Variants in PTPRO observed in about 807,000 individuals in gnomAD.
PTPRO encodes the protein receptor-type tyrosine-protein phosphatase O.
PTPRO carries 62 observed loss-of-function variants against 145.2 expected under a neutral mutation model. The observed-to-expected ratio is 0.43, with a 90% confidence interval of 0.35 to 0.53. The LOEUF (loss-of-function observed/expected upper bound fraction) is 0.53, where lower values mean the gene tolerates loss of function less well. Ranked by LOEUF, PTPRO falls within the 20% of genes least tolerant of loss-of-function variation. The pLI is 0.01. For synonymous variants in PTPRO, 565 were observed against 514.7 expected (o/e 1.10, Z -1.32); for missense variants, 1,345 against 1,482.7 (o/e 0.91, Z 1.53).
intron 1 of PTPRO, among the ~76,000 whole-genome samples, chr12:15,429,393 CA>C (rs1234927095): frequency 2.3e-4 from 35 of 152,170 alleles, no homozygotes; most frequent in African/African-American, 8.2e-4. Context: ...TTTGCCAAGC[CA>C]GGGCAGGATG....
intron 1 of PTPRO, among the ~76,000 whole-genome samples, chr12:15,473,630 T>C (rs1355039214): frequency 6.6e-6 from 1 of 151,632 alleles, no homozygotes; most frequent in Admixed American, 6.6e-5. Flanking sequence ...AGCCAGGCGT[T>C]GTGGTGGGCA....
intron 1 of PTPRO, among the ~76,000 whole-genome samples, chr12:15,448,715 G>A (rs1235825882): frequency 1.3e-5 from 2 of 152,086 alleles, no homozygotes; most frequent in African/African-American, 2.4e-5. Context: ...TCCAAGGGAC[G>A]TCAGCTTTCC....
At chr12:15,452,331 G>C (rs1315132826) in intron 1 of PTPRO, among the ~76,000 whole-genome samples, 3 of 152,086 alleles carry the variant, frequency 2.0e-5, no homozygotes, top group Admixed American at 6.6e-5. Context: ...ATAACGAGCA[G>C]TGAGATTGAA....
intron 1 of PTPRO, among the ~76,000 whole-genome samples, chr12:15,389,110 T>A (rs1433542988): frequency 1.3e-5 from 2 of 150,698 alleles, no homozygotes; most frequent in African/African-American, 4.9e-5. Context: ...AAGAATTTTT[T>A]TTTTTTTTTT....
chr12:15,403,918 C>T (rs947912153), intron 1 of PTPRO, among the ~76,000 whole-genome samples: 81 of 152,008 alleles, frequency 5.3e-4, no homozygotes, highest in African/African-American at 1.9e-3. Context: ...GTGTTTAGGG[C>T]CAGGCACTGT....
intron 13 of PTPRO, among the ~76,000 whole-genome samples, chr12:15,547,464 A>C (rs1484286857): frequency 1.3e-5 from 2 of 152,250 alleles, no homozygotes; most frequent in African/African-American, 4.8e-5. Flanking sequence ...TACTGCGAAC[A>C]TAAGTAATTG....
In PTPRO at chr12:15,457,531, T is replaced by G. The variant is rs531750403; in HGVS notation, c.76-26443T>G. On this transcript the variant is annotated intron_variant, in intron 1 of 26. Coordinates refer to ENST00000281171, the MANE Select transcript of PTPRO (RefSeq NM_030667.3). ...GGATTTACTATTGCCTTGTTGTTAA[T>G]TGTTTTCTGTCTGACCTGCAATTCT... 3.3e-5 allele frequency among the ~76,000 whole-genome samples: 5 copies of G among 152,338 alleles called. No individual in the cohort carries two copies. The South Asian group carries it at 8.3e-4, about 25-fold the overall frequency.
intron 1 of PTPRO, among the ~76,000 whole-genome samples, chr12:15,437,701 A>G (rs546412584): frequency 6.6e-6 from 1 of 152,330 alleles, no homozygotes; most frequent in African/African-American, 2.4e-5. Flanking sequence ...ATCTGCAGGC[A>G]TCTGAAGCAC....
At chr12:15,466,161 C>T (rs568365274) in intron 1 of PTPRO, among the ~76,000 whole-genome samples, 4 of 151,954 alleles carry the variant, frequency 2.6e-5, no homozygotes, top group Non-Finnish European at 5.9e-5. Context: ...GTTCATTACT[C>T]TACATAATCC....
intron 1 of PTPRO, among the ~76,000 whole-genome samples, chr12:15,480,893 T>C (rs183727813): frequency 1.8e-4 from 28 of 152,358 alleles, no homozygotes; most frequent in African/African-American, 6.7e-4. Flanking sequence ...AAAATCTCTC[T>C]GCTTTGTTCA....
At chr12:15,427,738 G>C (rs1287063510) in intron 1 of PTPRO, among the ~76,000 whole-genome samples, 1 of 151,650 alleles carries the variant, frequency 6.6e-6, no homozygotes, top group Non-Finnish European at 1.5e-5. Context: ...TTAAAGTTTA[G>C]CTATCATGGT....
chr12:15,538,885 C>T (rs767757421), intron 12 of PTPRO, among the ~76,000 whole-genome samples: 2 of 152,188 alleles, frequency 1.3e-5, no homozygotes, highest in South Asian at 2.1e-4. Context: ...GTAACTCAGA[C>T]CCTCTGAATT....
chr12:15,491,601 T>C (rs1942000480), intron 2 of PTPRO, among the ~76,000 whole-genome samples: 1 of 152,202 alleles, frequency 6.6e-6, no homozygotes, highest in African/African-American at 2.4e-5. Flanking sequence ...CTAAATGTCA[T>C]TTTTTATTAA....
Position 15,515,533 on chromosome 12 carries a change from T to A in PTPRO, c.1500T>A (p.Val500=). 6.2e-7 allele frequency: 1 copy of A among 1,613,820 alleles called. No individual in the cohort carries two copies. The change falls in exon 8 of 27, where the codon GTT becomes GTA. Residue 500 remains valine (V), a synonymous_variant. Transcript: ENST00000281171. ...GCAAACCTATTATTGAAAATCTGGT[T>A]CCTGGTGCCCAGTACCAGGTTGTAA... The part of the protein sequence containing the change: ...NSSKPIIENL[V]PGAQYQVVIY...
intron 1 of PTPRO, among the ~76,000 whole-genome samples, chr12:15,365,138 T>C (rs1938322567): frequency 6.6e-6 from 1 of 152,166 alleles, no homozygotes; most frequent in South Asian, 2.1e-4. Flanking sequence ...TTGATGACAC[T>C]GATTTTGCTA....
chr12:15,341,125 T>C (rs781242521), intron 1 of PTPRO, among the ~76,000 whole-genome samples: 1 of 152,216 alleles, frequency 6.6e-6, no homozygotes, highest in African/African-American at 2.4e-5. Context: ...TGTTTTTCTT[T>C]TCTTTTTATT....
intron 26 of PTPRO, 108 bp from the exon 27 acceptor site, chr12:15,595,982 C>T (rs571221634): frequency 6.6e-6 from 1 of 152,152 alleles, no homozygotes. Flanking sequence ...ACAGATCAAC[C>T]CACATCTGCA....
intron 1 of PTPRO, among the ~76,000 whole-genome samples, chr12:15,381,292 T>C (rs563790964): frequency 6.6e-6 from 1 of 152,324 alleles, no homozygotes; most frequent in East Asian, 1.9e-4. Context: ...ATAGGATATG[T>C]TTTAAATTCT....
At chr12:15,558,863 T>C (rs1315490146) in intron 16 of PTPRO, among the ~76,000 whole-genome samples, 1 of 152,186 alleles carries the variant, frequency 6.6e-6, no homozygotes, top group African/African-American at 2.4e-5. Flanking sequence ...CAATATGTTG[T>C]GCCATTTAAA....
Sources: allele counts gnomAD v4.1 joint callset (sites outside exome capture counted in the v4.1 genomes callset), GRCh38; gene constraint gnomAD v4.1.1; transcripts MANE v1.5; gene names NCBI Gene and HGNC (gene_info 2026-07-23, HGNC 2026-07-21).